The following CYFIP2 variants were observed in gnomAD, a reference collection of about 807,000 sequenced individuals.
CYFIP2 encodes the protein cytoplasmic FMR1-interacting protein 2.
CYFIP2 carries 29 observed loss-of-function variants against 158.7 expected under a neutral mutation model. The ratio of observed to expected loss-of-function variants is 0.18; its 90% CI spans 0.14 to 0.25. The LOEUF (loss-of-function observed/expected upper bound fraction) is 0.25, where lower values mean the gene tolerates loss of function less well. Ranked by LOEUF, CYFIP2 falls within the 10% of genes least tolerant of loss-of-function variation. The pLI is 1.00. For missense variants in CYFIP2, 852 were observed against 1,639.5 expected (o/e 0.52, Z 8.29); for synonymous variants, 585 against 617.6 (o/e 0.95, Z 0.78).
At chr5:157,389,024 C>A (rs1207941122) in intron 28 of CYFIP2, among the ~76,000 whole-genome samples, 165 bp from the exon 29 acceptor site, 1 of 152,234 alleles carries the variant, frequency 6.6e-6, no homozygotes, top group African/African-American at 2.4e-5. Flanking sequence ...AACTTCCCTG[C>A]TGTTGCATTC....
chr5:157,317,192 A>G (rs1415146365), intron 13 of CYFIP2, among the ~76,000 whole-genome samples: 2 of 152,156 alleles, frequency 1.3e-5, no homozygotes, highest in Admixed American at 1.3e-4. Context: ...CACAACCACC[A>G]AGAACATGTC....
Position 157,341,170 on chromosome 5 carries a change from G to T in CYFIP2, c.2673+13G>T. On this transcript the variant is annotated intron_variant, in intron 23 of 30. Coordinates refer to ENST00000620254, the MANE Select transcript of CYFIP2 (RefSeq NM_001037333.3). Reference sequence around the variant, plus strand: ...CTATGGATCCAAGGTAAGTAGTCCTGCCCTACCCTGCCTAGAAGAGGGTTG... The same window carrying T: ...CTATGGATCCAAGGTAAGTAGTCCTTCCCTACCCTGCCTAGAAGAGGGTTG... 6.2e-7 allele frequency: 1 copy of T among 1,610,788 alleles called. No homozygotes were observed. The highest frequency in any genetic ancestry group is 2.2e-5 in the East Asian group (1 of 44,864).
intron 5 of CYFIP2, among the ~76,000 whole-genome samples, chr5:157,298,977 G>A (rs1758484133): frequency 6.6e-6 from 1 of 152,052 alleles, no homozygotes; most frequent in African/African-American, 2.4e-5. Flanking sequence ...TCAGTTGATG[G>A]ACATTGGTTT....
rs532861756 is a variant in CYFIP2, at chr5:157,310,011, G to A, written c.992+177G>A. Reference sequence around the variant, plus strand: ...GGGTGCTCTGAGCCCTTTTGTATCCGCCCTCTGCTGCCAGCTTCAAAAGGG... The same window carrying A: ...GGGTGCTCTGAGCCCTTTTGTATCCACCCTCTGCTGCCAGCTTCAAAAGGG... On this transcript the variant is annotated intron_variant, in intron 10 of 30. Transcript: ENST00000620254. 4.6e-5 allele frequency among the ~76,000 whole-genome samples: 7 copies of A among 152,178 alleles called. No individual in the cohort carries two copies. The South Asian group carries it at 1.0e-3, about 23-fold the overall frequency.
At chr5:157,385,913 G>A (rs965930121) in intron 28 of CYFIP2, among the ~76,000 whole-genome samples, 2 of 151,714 alleles carry the variant, frequency 1.3e-5, no homozygotes, top group Non-Finnish European at 2.9e-5. Flanking sequence ...CCCACCGAGG[G>A]GAATAGAAAA....
intron 1 of CYFIP2, among the ~76,000 whole-genome samples, chr5:157,272,019 G>A (rs35405012): frequency 2.6e-5 from 4 of 152,204 alleles, no homozygotes; most frequent in South Asian, 4.1e-4. Flanking sequence ...GCATGAGGCC[G>A]TTCCCCTGAG....
intron 19 of CYFIP2, 90 bp downstream of exon 19, chr5:157,328,139 T>C (rs1238996866): frequency 7.1e-6 from 9 of 1,270,700 alleles, no homozygotes; most frequent in Non-Finnish European, 1.0e-5. Flanking sequence ...CCTTCTTCTT[T>C]AGCACCTTAG....
chr5:157,375,743 A>G (rs1252176236), intron 26 of CYFIP2: 1 of 151,104 alleles, frequency 6.6e-6, no homozygotes, highest in Non-Finnish European at 1.5e-5. Flanking sequence ...AAAAGATGGT[A>G]CACTCCTTCT....
chr5:157,373,468 T>C (rs1765179069), intron 26 of CYFIP2, among the ~76,000 whole-genome samples: 3 of 152,188 alleles, frequency 2.0e-5, no homozygotes, highest in Admixed American at 6.5e-5. Flanking sequence ...TGGAATGTTA[T>C]CTGATCTTTA....
At chr5:157,288,710 A>G (rs760019775) in intron 3 of CYFIP2, 76 of 442,764 alleles carry the variant, frequency 1.7e-4, no homozygotes, top group Non-Finnish European at 2.7e-4. Flanking sequence ...CTGGAGCCCA[A>G]AAAAATTGCA....
At chr5:157,316,571 A>G (rs73304113) in intron 13 of CYFIP2, among the ~76,000 whole-genome samples, 2,978 of 152,268 alleles carry the variant, frequency 0.02, 104 homozygotes, top group African/African-American at 0.069. Context: ...AAACTCCTTT[A>G]CACTAGGTTG....
chr5:157,309,395 G>T lies in CYFIP2; in HGVS notation c.901-348G>T, dbSNP rs1268855627. On this transcript the variant is annotated intron_variant, in intron 9 of 30. Coordinates refer to ENST00000620254, the MANE Select transcript of CYFIP2 (RefSeq NM_001037333.3). ...GCCTAGAAATCATAACAGCAAGGAT[G>T]CTTTAAGCCAGGGAAGATTCGAGTG... Among the ~76,000 whole-genome samples, 3 of 152,348 alleles carry T rather than the reference G, an allele frequency of 2.0e-5. No homozygotes were observed. The East Asian group carries it at 5.8e-4, about 29-fold the overall frequency.
intron 23 of CYFIP2, among the ~76,000 whole-genome samples, chr5:157,352,065 TTAAGAA>T (rs1166388826): frequency 6.6e-6 from 1 of 152,192 alleles, no homozygotes; most frequent in African/African-American, 2.4e-5. Context: ...AATCAAAACT[TTAAGAA>T]TATATTCTCT....
intron 28 of CYFIP2, 143 bp from the exon 29 acceptor site, chr5:157,389,046 T>C: frequency 1.5e-6 from 1 of 655,222 alleles, no homozygotes; most frequent in South Asian, 2.5e-5. Flanking sequence ...GGATCATCAA[T>C]TTTGTGCCCT....
chr5:157,289,876 G>A (rs1383872306), intron 3 of CYFIP2, among the ~76,000 whole-genome samples: 1 of 152,206 alleles, frequency 6.6e-6, no homozygotes, highest in African/African-American at 2.4e-5. Flanking sequence ...AACGCAGCTT[G>A]GGGGACAGAT....
intron 13 of CYFIP2, among the ~76,000 whole-genome samples, chr5:157,318,143 G>A (rs890305997): frequency 6.6e-6 from 1 of 152,100 alleles, no homozygotes; most frequent in East Asian, 1.9e-4. Flanking sequence ...AATATATGTC[G>A]CAAATATTTT....
intron 2 of CYFIP2, among the ~76,000 whole-genome samples, chr5:157,286,361 T>C (rs942097967): frequency 6.7e-6 from 1 of 150,184 alleles, no homozygotes; most frequent in Non-Finnish European, 1.5e-5. Flanking sequence ...TGTGTATATA[T>C]ATGCATATAT....
chr5:157,341,198 G>T, intron 23 of CYFIP2, 41 bp downstream of exon 23: 5 of 1,568,676 alleles, frequency 3.2e-6, no homozygotes, highest in Non-Finnish European at 4.4e-6. Flanking sequence ...GAGGGTTGGT[G>T]AGAAAAAGCA....
Position 157,383,250 on chromosome 5 carries a change from C to T in CYFIP2, c.3113-15C>T, listed in dbSNP as rs760181874. 7.4e-6 allele frequency: 12 copies of T among 1,611,654 alleles called. No homozygotes were observed. In the East Asian group the frequency reaches 1.3e-4, roughly 18 times the overall value. ...TCCCTGAGTCTCATTTTCTGCTCTG[C>T]GACTCCTTTTGCAGAGGGGGAGCGC... is the stretch of plus-strand genomic sequence containing the variant. On this transcript the variant is annotated splice_polypyrimidine_tract_variant and intron_variant, in intron 27 of 30. Transcript: ENST00000620254.
Sources: gnomAD v4.1 joint callset for allele counts (sites outside exome capture counted in the v4.1 genomes callset) on GRCh38, gnomAD v4.1.1 for gene constraint, MANE v1.5 for transcripts, NCBI Gene and HGNC (gene_info 2026-07-23, HGNC 2026-07-21) for gene names.